The following LARP1B variants were observed in gnomAD, a reference collection of about 807,000 sequenced individuals.
The protein encoded by LARP1B is la-related protein 1B.
LARP1B carries 76 observed loss-of-function variants against 114.2 expected under a neutral mutation model. The observed-to-expected ratio is 0.67, with a 90% CI of 0.55 to 0.81. The LOEUF (loss-of-function observed/expected upper bound fraction) is 0.81, where lower values mean the gene tolerates loss of function less well. LARP1B is among the 30% of genes least tolerant of loss of function. The pLI, the probability that LARP1B is intolerant of heterozygous loss-of-function variation, is 0.00. For synonymous variants in LARP1B, 345 were observed against 348.0 expected (o/e 0.99, Z 0.10); for missense variants, 1,014 against 1,075.8 (o/e 0.94, Z 0.80).
Position 128,178,500 on chromosome 4 carries a change from C to T in LARP1B, c.1754C>T (p.Ser585Leu), listed in dbSNP as rs1408258686. 12 of 1,613,782 alleles carry T rather than the reference C, an allele frequency of 7.4e-6. No individual in the cohort carries two copies. Among genetic ancestry groups the T allele is most frequent in the East Asian group, 6.7e-5 (3 of 44,860 alleles). Residue 585 changes from serine to leucine, a missense_variant, in exon 14 of 20, where the codon TCG becomes TTG. Ser to Leu is a moderately radical substitution (Grantham distance 145). Coordinates refer to ENST00000326639, the MANE Select transcript of LARP1B (RefSeq NM_018078.4). ...SEITSAAMVH[S>L]LPTAVPESPR... ...ATAACTTCAGCAGCAATGGTTCATT[C>T]GTTGCCTACAGCAGTTCCAGAATCT...
intron 5 of LARP1B, among the ~76,000 whole-genome samples, chr4:128,085,353 CTTTTTTTTTT>C (rs35260726): frequency 4.7e-5 from 4 of 85,846 alleles, no homozygotes; most frequent in Non-Finnish European, 6.3e-5. Flanking sequence ...CCTTAGCTTC[CTTTTTTTTTT>C]TTTTTTTTTT....
At chr4:128,083,927 G>A (rs892909364) in intron 5 of LARP1B, among the ~76,000 whole-genome samples, 4 of 151,440 alleles carry the variant, frequency 2.6e-5, no homozygotes, top group South Asian at 2.1e-4. Context: ...CGGGTGGAGG[G>A]GCTCCTCACT....
chr4:128,210,889 C>T lies in LARP1B; in HGVS notation c.*836C>T, dbSNP rs1758863822. On this transcript the variant is annotated 3_prime_UTR_variant, in exon 20 of 20. Coordinates refer to ENST00000326639, the MANE Select transcript of LARP1B (RefSeq NM_018078.4). ...ATTGTCCTAAATTAATTAAATCTTG[C>T]ACTGTTTTGAATGCATCTGCTATTT... The T allele has an allele frequency of 1.0e-6, 1 of 983,022 alleles. No homozygotes were observed. The highest frequency in any genetic ancestry group is 1.2e-6 in the Non-Finnish European group (1 of 827,792). The allele number at this position is 983,022 out of a possible 1,614,324, so 60.9% of individuals were successfully genotyped here.
chr4:128,112,172 G>C (rs1044802133), intron 9 of LARP1B, among the ~76,000 whole-genome samples: 1 of 151,986 alleles, frequency 6.6e-6, no homozygotes, highest in Non-Finnish European at 1.5e-5. Context: ...AAGTTACAGA[G>C]CACCACTGTC....
At position 128,107,438 on chromosome 4, in the gene LARP1B, T is replaced by G. The variant is rs1445985088; in HGVS notation, c.988+125T>G. ...AAAATTAAAGCTAACTGAAAGACTT[T>G]TGAGTCCCATTTTGTATTCATATTG... On this transcript the variant is annotated intron_variant, in intron 9 of 19. Coordinates refer to ENST00000326639, the MANE Select transcript of LARP1B (RefSeq NM_018078.4). 7 of 1,505,212 alleles carry G rather than the reference T, an allele frequency of 4.7e-6. No homozygotes were observed. The highest frequency in any genetic ancestry group is 5.3e-6 in the Non-Finnish European group (6 of 1,123,688). 93.2% of individuals were successfully genotyped at this position (1,505,212 alleles called of 1,614,324 possible).
At chr4:128,067,494 A>G (rs764351755) in intron 1 of LARP1B, among the ~76,000 whole-genome samples, 2 of 152,194 alleles carry the variant, frequency 1.3e-5, no homozygotes, top group African/African-American at 2.4e-5. Context: ...TAAGTGAACC[A>G]GATTCTTGAT....
At chr4:128,192,768 T>C (rs144944703) in intron 15 of LARP1B, among the ~76,000 whole-genome samples, 2 of 152,254 alleles carry the variant, frequency 1.3e-5, no homozygotes, top group East Asian at 3.9e-4. Flanking sequence ...ACTTCATGTG[T>C]AGTATAAGCA....
downstream of LARP1B, among the ~76,000 whole-genome samples, chr4:128,213,920 CAG>C (rs1222012028): frequency 6.6e-6 from 1 of 151,846 alleles, no homozygotes; most frequent in Non-Finnish European, 1.5e-5. Context: ...GAGTGCCAGA[CAG>C]TGGGCGCAGG....
At chr4:128,078,033 T>A in intron 4 of LARP1B, 71 bp downstream of exon 4, 2 of 1,031,890 alleles carry the variant, frequency 1.9e-6, no homozygotes, top group South Asian at 2.3e-5. Context: ...TACATTTCAT[T>A]AACTGATCTC....
intron 11 of LARP1B, among the ~76,000 whole-genome samples, chr4:128,143,178 G>A (rs1253745302): frequency 1.3e-5 from 2 of 152,158 alleles, no homozygotes; most frequent in Non-Finnish European, 2.9e-5. Context: ...TCAGCTATTC[G>A]GGAGGCTGAG....
chr4:128,086,872 C>T (rs1773799594), intron 5 of LARP1B, among the ~76,000 whole-genome samples: 1 of 151,994 alleles, frequency 6.6e-6, no homozygotes, highest in Non-Finnish European at 1.5e-5. Flanking sequence ...GCGATTTTGG[C>T]TCACTGCCTT....
chr4:128,155,471 T>C, intron 11 of LARP1B: 1 of 772,392 alleles, frequency 1.3e-6, no homozygotes, highest in Middle Eastern at 2.4e-4. Flanking sequence ...CCGGCCGCAG[T>C]GCAGGCAGCC....
intron 11 of LARP1B, among the ~76,000 whole-genome samples, chr4:128,127,243 CACAG>C (rs1332571139): frequency 9.1e-6 from 1 of 109,380 alleles, no homozygotes; most frequent in African/African-American, 2.8e-5. Flanking sequence ...CTATCAGAGA[CACAG>C]AAAGGACTGC....
At chr4:128,176,798 A>G in intron 12 of LARP1B, 74 bp from the exon 13 acceptor site, 1 of 1,398,526 alleles carries the variant, frequency 7.2e-7, no homozygotes, top group East Asian at 2.3e-5. Flanking sequence ...ATAAATTTTA[A>G]TTTAATAAAT....
chr4:128,165,283 A>G (rs1269248079), intron 12 of LARP1B, among the ~76,000 whole-genome samples: 2 of 151,668 alleles, frequency 1.3e-5, no homozygotes, highest in East Asian at 1.9e-4. Context: ...ATATAAATTT[A>G]TTAATTTTTA....
chr4:128,213,093 T>C (rs1360803379), downstream of LARP1B, among the ~76,000 whole-genome samples: 1 of 151,916 alleles, frequency 6.6e-6, no homozygotes, highest in African/African-American at 2.4e-5. Context: ...TAATTTTGTA[T>C]TTTTAGTTGA....
rs1048076450 is a variant in LARP1B at position 128,210,356 on chromosome 4, GTTTTAC to G, written c.*304_*309del. ...CTCAGATTTCTTTTTCAAAGCCATG[GTTTTAC>G]AAAAACAGCATTCCTTAAATATATT... On this transcript the variant is annotated 3_prime_UTR_variant, in exon 20 of 20. Coordinates refer to ENST00000326639, the MANE Select transcript of LARP1B (RefSeq NM_018078.4). 4.5e-6 allele frequency: 5 copies of G among 1,111,936 alleles called. No homozygotes were observed. Among genetic ancestry groups the G allele is most frequent in the Non-Finnish European group, 5.5e-6 (5 of 909,250 alleles). 68.9% of individuals were successfully genotyped at this position (1,111,936 alleles called of 1,614,324 possible). A position where few individuals can be genotyped will look rare whatever the true frequency, so the allele number is the denominator to read the frequency against.
chr4:128,128,458 A>C (rs762565334), intron 11 of LARP1B, among the ~76,000 whole-genome samples: 1 of 152,228 alleles, frequency 6.6e-6, no homozygotes, highest in Non-Finnish European at 1.5e-5. Flanking sequence ...AGCTTAGCCT[A>C]GCCTACCTTA....
At chr4:128,131,098 C>T (rs745488139) in intron 11 of LARP1B, among the ~76,000 whole-genome samples, 33 of 152,212 alleles carry the variant, frequency 2.2e-4, no homozygotes, top group South Asian at 2.1e-4. Flanking sequence ...GTTCTGATGA[C>T]GATACATGTC....
Sources: allele counts gnomAD v4.1 joint callset (sites outside exome capture counted in the v4.1 genomes callset), GRCh38; gene constraint gnomAD v4.1.1; transcripts MANE v1.5; gene names NCBI Gene and HGNC (gene_info 2026-07-23, HGNC 2026-07-21).